Variants in SPEF2 observed in about 807,000 individuals in gnomAD.
SPEF2 encodes the protein sperm flagella and cilia-associated protein 2.
Under a neutral mutation model 224.6 loss-of-function variants are expected in SPEF2, and 187 were observed. The observed-to-expected ratio is 0.83, with a 90% CI of 0.74 to 0.94. The LOEUF (loss-of-function observed/expected upper bound fraction) is 0.94, where lower values mean the gene tolerates loss of function less well. Among genes scored for constraint, SPEF2 ranks in the 40% least tolerant of loss-of-function variants. SPEF2 has a pLI of 0.00. For synonymous variants in SPEF2, 715 were observed against 707.3 expected (o/e 1.01, Z -0.17); for missense variants, 2,170 against 2,135.6 (o/e 1.02, Z -0.32).
chr5:35,689,098 TAAGGA>T (rs1264405169), intron 10 of SPEF2, among the ~76,000 whole-genome samples: 1 of 152,166 alleles, frequency 6.6e-6, no homozygotes, highest in African/African-American at 2.4e-5. Context: ...TCTGTTCAGT[TAAGGA>T]AAGAAAATTT....
chr5:35,694,172 A>G (rs1161085015), intron 12 of SPEF2, 116 bp from the exon 13 acceptor site: 41 of 751,910 alleles, frequency 5.5e-5, no homozygotes, highest in African/African-American at 1.8e-4. Flanking sequence ...CATTAATGTT[A>G]TAGACAAAAA....
At chr5:35,782,040 G>A (rs1200353596) in intron 30 of SPEF2, among the ~76,000 whole-genome samples, 1 of 151,988 alleles carries the variant, frequency 6.6e-6, no homozygotes. Flanking sequence ...ATCTCTTCTG[G>A]CCCCACAAAG....
Position 35,662,341 on chromosome 5 carries a change from G to A in SPEF2, c.1167+3134G>A, listed in dbSNP as rs554230672. Among the ~76,000 whole-genome samples the A allele has an allele frequency of 5.9e-5, 9 of 152,210 alleles. No homozygotes were observed. In the South Asian group the frequency reaches 1.5e-3, roughly 25 times the overall value. ...GTTGGATATTAGACCTTTGTCAGAT[G>A]CATAGTTTGTAAAAATTTTCTCCCA... is the stretch of plus-strand genomic sequence containing the variant. On this transcript the variant is annotated intron_variant, in intron 8 of 36. Coordinates refer to ENST00000356031, the MANE Select transcript of SPEF2 (RefSeq NM_024867.4).
chr5:35,691,284 C>A (rs1754441725), intron 11 of SPEF2, 28 bp downstream of exon 11: 2 of 1,565,492 alleles, frequency 1.3e-6, no homozygotes, highest in Non-Finnish European at 1.8e-6. Context: ...ACTCTCCCTG[C>A]CATTAGGTCC....
intron 21 of SPEF2, among the ~76,000 whole-genome samples, chr5:35,732,538 T>TA (rs1450684254): frequency 6.6e-6 from 1 of 152,148 alleles, no homozygotes; most frequent in East Asian, 1.9e-4. Flanking sequence ...ACCCTTAAGG[T>TA]ACGGTTAGAC....
At chr5:35,719,855 C>A (rs1009536863) in intron 20 of SPEF2, among the ~76,000 whole-genome samples, 1 of 152,154 alleles carries the variant, frequency 6.6e-6, no homozygotes, top group Non-Finnish European at 1.5e-5. Flanking sequence ...CCACTGACCT[C>A]ATGGTCCACC....
chr5:35,812,157 G>A (rs1289005769), intron 36 of SPEF2, among the ~76,000 whole-genome samples: 1 of 152,152 alleles, frequency 6.6e-6, no homozygotes, highest in East Asian at 1.9e-4. Context: ...CTGCTGGTCT[G>A]TAGTAGTTAC....
At chr5:35,787,443 A>T (rs935330479) in intron 30 of SPEF2, among the ~76,000 whole-genome samples, 3 of 152,166 alleles carry the variant, frequency 2.0e-5, no homozygotes, top group Non-Finnish European at 4.4e-5. Flanking sequence ...ACTCTTATGT[A>T]TGGAGAAATG....
intron 10 of SPEF2, among the ~76,000 whole-genome samples, chr5:35,679,739 C>T (rs752651936): frequency 7.2e-5 from 11 of 152,162 alleles, no homozygotes; most frequent in Non-Finnish European, 1.5e-4. Context: ...ATTTTTAGGA[C>T]CTGCCATCTC....
At chr5:35,802,658 T>A (rs1365874172) in intron 34 of SPEF2, among the ~76,000 whole-genome samples, 2 of 152,104 alleles carry the variant, frequency 1.3e-5, no homozygotes, top group Non-Finnish European at 2.9e-5. Flanking sequence ...GGGAGAGCCT[T>A]GCAAGTCCCT....
intron 8 of SPEF2, among the ~76,000 whole-genome samples, chr5:35,666,487 G>GT (rs35372817): frequency 1 from 152,302 of 152,302 alleles, 76,151 homozygotes; most frequent in Non-Finnish European, 1. Context: ...AATGCCATCA[G>GT]TTGTTAAGGC....
At chr5:35,658,835 C>G (rs890912343) in intron 7 of SPEF2, among the ~76,000 whole-genome samples, 184 bp from the exon 8 acceptor site, 1 of 152,134 alleles carries the variant, frequency 6.6e-6, no homozygotes, top group Non-Finnish European at 1.5e-5. Flanking sequence ...TTTCTAAACA[C>G]CAACTTTTGT....
intron 21 of SPEF2, 47 bp from the exon 22 acceptor site, chr5:35,739,872 G>A: frequency 6.2e-7 from 1 of 1,603,384 alleles, no homozygotes; most frequent in Non-Finnish European, 8.5e-7. Context: ...TTATTCAGAA[G>A]AACTTTCATT....
intron 32 of SPEF2, among the ~76,000 whole-genome samples, chr5:35,793,756 ACACACACACACAG>A (rs1237897983): frequency 7.6e-6 from 1 of 132,096 alleles, no homozygotes; most frequent in African/African-American, 2.7e-5. Flanking sequence ...ACACACACAC[ACACACACACACAG>A]GGAAAGGAGC....
intron 21 of SPEF2, among the ~76,000 whole-genome samples, chr5:35,731,359 A>G (rs1187632420): frequency 1.3e-5 from 2 of 152,210 alleles, no homozygotes; most frequent in Non-Finnish European, 2.9e-5. Flanking sequence ...ACTGGAAGAA[A>G]CAGACAAGCA....
rs188888091 is a variant in SPEF2 at position 35,738,380 on chromosome 5, T to C, written c.3064-1539T>C. Among the ~76,000 whole-genome samples, 844 of 151,852 alleles carry C rather than the reference T, an allele frequency of 5.6e-3. 6 individuals carry two copies. Among genetic ancestry groups the C allele is most frequent in the African/African-American group, 0.02 (814 of 41,418 alleles). ...TTCAAGTCTTTAATCCATCTTGAAT[T>C]AATTTTTGTATAAGGTGTAAGGAAG... is the stretch of plus-strand genomic sequence containing the variant. On this transcript the variant is annotated intron_variant, in intron 21 of 36. Coordinates refer to ENST00000356031, the MANE Select transcript of SPEF2 (RefSeq NM_024867.4).
At position 35,670,155 on chromosome 5, in the gene SPEF2, C is replaced by G; in HGVS notation, c.1452C>G (p.Asn484Lys). Residue 484 changes from asparagine (N) to lysine (K), a missense_variant, in exon 10 of 37, where the codon AAC becomes AAG. Physicochemically the swap from Asn to Lys is moderately conservative, Grantham distance 94. Transcript: ENST00000356031. ...CCTCTGTTAAGACACTACCTGCTAA[C>G]CCCTCAAGAGAACAACTTACAGAAC... ...EQASVKTLPA[N>K]PSREQLTELE... is the part of the protein sequence containing the mutation. 1 of 1,612,214 alleles carries G rather than the reference C, an allele frequency of 6.2e-7. No individual in the cohort carries two copies. Among genetic ancestry groups the G allele is most frequent in the Non-Finnish European group, 8.5e-7 (1 of 1,178,892 alleles).
intron 6 of SPEF2, among the ~76,000 whole-genome samples, chr5:35,652,330 G>A (rs765162989): frequency 2.3e-4 from 35 of 152,074 alleles, no homozygotes; most frequent in African/African-American, 6.7e-4. Flanking sequence ...ATTAACCCAC[G>A]CTCAATCCAG....
intron 21 of SPEF2, among the ~76,000 whole-genome samples, chr5:35,736,968 C>T (rs1580513364): frequency 6.6e-6 from 1 of 152,240 alleles, no homozygotes; most frequent in African/African-American, 2.4e-5. Flanking sequence ...ACCCAGTCTG[C>T]TTTTACTTTG....
Sources: gnomAD v4.1 joint callset for allele counts (sites outside exome capture counted in the v4.1 genomes callset) on GRCh38, gnomAD v4.1.1 for gene constraint, MANE v1.5 for transcripts, NCBI Gene and HGNC (gene_info 2026-07-23, HGNC 2026-07-21) for gene names.